SLC19A1: variants seen among roughly 807,000 people sequenced by gnomAD.
SLC19A1 encodes the protein solute carrier family 19 member 1.
SLC19A1 carries 37 observed loss-of-function variants against 35.3 expected under a neutral mutation model. The ratio of observed to expected loss-of-function variants is 1.05; its 90% CI spans 0.81 to 1.38. The LOEUF (loss-of-function observed/expected upper bound fraction) is 1.38. Ranked by LOEUF, SLC19A1 falls within the 40% of genes most tolerant of loss-of-function variation. SLC19A1 has a pLI of 0.00. For missense variants in SLC19A1, 831 were observed against 826.9 expected, an observed-to-expected ratio of 1.00 and a Z score of -0.06; for synonymous variants, 460 against 398.5, an observed-to-expected ratio of 1.15 and a Z score of -1.84.
intron 1 of SLC19A1, among the ~76,000 whole-genome samples, chr21:45,555,481 C>T (rs2078550559): frequency 9.2e-6 from 1 of 108,532 alleles, no homozygotes; most frequent in African/African-American, 3.6e-5. Context: ...GAAGGGGAAC[C>T]GGCTTGGGTG....
intron 3 of SLC19A1, chr21:45,503,908 C>G: frequency 8.2e-7 from 1 of 1,217,112 alleles, no homozygotes. Flanking sequence ...CGCGAAATGG[C>G]TAGAAGGGCC....
downstream of SLC19A1, chr21:45,509,584 C>T (rs1198296938): frequency 6.6e-6 from 10 of 1,518,524 alleles, no homozygotes; most frequent in African/African-American, 2.8e-5. Flanking sequence ...CCACAGCCAC[C>T]GCGACTTCCA....
chr21:45,509,671 G>A, downstream of SLC19A1: 1 of 877,896 alleles, frequency 1.1e-6, no homozygotes, highest in Admixed American at 2.0e-5. Context: ...AGAGGGCCCA[G>A]CCCCTGCAGA....
Position 45,504,506 on chromosome 21 carries a change from C to T in SLC19A1, c.498-5894G>A, listed in dbSNP as rs759572850. On this transcript the variant is annotated intron_variant, in intron 3 of 4. Coordinates refer to the SLC19A1 transcript ENST00000417954. ...TTTCTTCGGCTCCAGCCTGCCCGGC[C>T]CCCCCGGCCCCCCAGGCCCCCCAGG... The T allele has an allele frequency of 6.4e-6, 9 of 1,396,392 alleles. No homozygotes were observed. Among genetic ancestry groups the T allele is most frequent in the East Asian group, 2.6e-5 (1 of 38,562 alleles). 86.5% of individuals were successfully genotyped at this position (1,396,392 alleles called of 1,614,324 possible).
At chr21:45,554,689 G>C (rs2078524694) in intron 1 of SLC19A1, among the ~76,000 whole-genome samples, 1 of 149,796 alleles carries the variant, frequency 6.7e-6, no homozygotes, top group Non-Finnish European at 1.5e-5. Flanking sequence ...TCCACATTTT[G>C]ATTTTTCATT....
chr21:45,558,320 A>G (rs2078583325), intron 1 of SLC19A1, among the ~76,000 whole-genome samples: 1 of 152,226 alleles, frequency 6.6e-6, no homozygotes, highest in South Asian at 2.1e-4. Flanking sequence ...CTGGCTCTGC[A>G]GCCTGGCCCC....
upstream of SLC19A1, chr21:45,543,831 TCTC>T: frequency 6.6e-6 from 1 of 152,466 alleles, no homozygotes; most frequent in Non-Finnish European, 1.5e-5. Context: ...GTACTGGCCT[TCTC>T]CACGGGTGGG....
intron 1 of SLC19A1, among the ~76,000 whole-genome samples, chr21:45,562,125 G>A (rs1295806206): frequency 3.5e-5 from 3 of 85,076 alleles, no homozygotes; most frequent in African/African-American, 9.2e-5. Context: ...TCAAGACTCT[G>A]TCTCAAAAAA....
At chr21:45,551,076 G>GT (rs1465022048) in intron 1 of SLC19A1, among the ~76,000 whole-genome samples, 1 of 151,330 alleles carries the variant, frequency 6.6e-6, no homozygotes, top group African/African-American at 2.4e-5. Flanking sequence ...GCCTGGGTTG[G>GT]TTGCACTCTC....
upstream of SLC19A1, among the ~76,000 whole-genome samples, chr21:45,547,664 T>C (rs2078428238): frequency 6.6e-6 from 1 of 152,182 alleles, no homozygotes; most frequent in South Asian, 2.1e-4. Context: ...CCCCACCAGG[T>C]TGTCCCACCT....
chr21:45,526,897 T>A (rs766014047), intron 4 of SLC19A1, among the ~76,000 whole-genome samples: 2 of 152,212 alleles, frequency 1.3e-5, no homozygotes, highest in Admixed American at 6.5e-5. Context: ...TGATTAGGGA[T>A]GCTGAACCTA....
chr21:45,504,079 G>C, intron 3 of SLC19A1: 1 of 1,613,214 alleles, frequency 6.2e-7, no homozygotes, highest in South Asian at 1.1e-5. Context: ...TGTGGGGTTG[G>C]GGGCCCCCAA....
intron 2 of SLC19A1, among the ~76,000 whole-genome samples, chr21:45,535,586 G>C (rs1009320574): frequency 1.3e-5 from 2 of 152,206 alleles, no homozygotes; most frequent in African/African-American, 4.8e-5. Context: ...AGGGGAACGT[G>C]GGCAGCCCGT....
At chr21:45,509,371 G>A (rs569016298), downstream of SLC19A1, 89 of 1,544,118 alleles carry the variant, frequency 5.8e-5, no homozygotes, top group Non-Finnish European at 7.7e-5. Flanking sequence ...TGAAGTGGCC[G>A]CCTTGCAGCC....
At chr21:45,520,748 T>C (rs891028709) in intron 5 of SLC19A1, among the ~76,000 whole-genome samples, 131 of 152,274 alleles carry the variant, frequency 8.6e-4, no homozygotes, top group African/African-American at 3.0e-3. Flanking sequence ...TAGCCGGGCA[T>C]GGTGGCTCAT....
downstream of SLC19A1, chr21:45,509,443 G>C (rs746120970): frequency 3.9e-5 from 60 of 1,532,768 alleles, no homozygotes; most frequent in Non-Finnish European, 4.9e-5. Context: ...CCACCCCACC[G>C]CGCGGCCCTG....
intron 1 of SLC19A1, among the ~76,000 whole-genome samples, chr21:45,558,303 G>A (rs1460328624): frequency 4.6e-5 from 7 of 152,240 alleles, no homozygotes; most frequent in East Asian, 1.9e-4. Context: ...GCTGGGACTC[G>A]GACATGCTGG....
At chr21:45,512,223 A>G (rs754036577), downstream of SLC19A1, 8 of 1,612,338 alleles carry the variant, frequency 5.0e-6, no homozygotes, top group Middle Eastern at 1.6e-4. Context: ...TCGGACCCCA[A>G]CGGGCGCAGG....
chr21:45,528,974 C>T (rs928178025), intron 4 of SLC19A1, among the ~76,000 whole-genome samples: 2 of 152,254 alleles, frequency 1.3e-5, no homozygotes, highest in Non-Finnish European at 2.9e-5. Context: ...ACCTTTCAGG[C>T]GTTGTCCCCC....
Sources: gnomAD v4.1 joint callset for allele counts (sites outside exome capture counted in the v4.1 genomes callset) on GRCh38, gnomAD v4.1.1 for gene constraint, MANE v1.5 for transcripts, NCBI Gene and HGNC (gene_info 2026-07-23, HGNC 2026-07-21) for gene names.